ST6GALNAC3: variants seen among roughly 807,000 people sequenced by gnomAD.
ST6GALNAC3 encodes the protein alpha-N-acetylgalactosaminide alpha-2,6-sialyltransferase 3.
Under a neutral mutation model 32.7 loss-of-function variants are expected in ST6GALNAC3, and 25 were observed. The ratio of observed to expected loss-of-function variants is 0.76; its 90% CI spans 0.56 to 1.07. The LOEUF (loss-of-function observed/expected upper bound fraction) is 1.07, where lower values mean the gene tolerates loss of function less well. ST6GALNAC3 is among the 50% of genes least tolerant of loss of function. The probability of loss-of-function intolerance (pLI) is 0.00; values close to 1 mark genes in which losing one functional copy is unlikely to be tolerated. For missense variants in ST6GALNAC3, 355 were observed against 382.4 expected, an observed-to-expected ratio of 0.93 and a Z score of 0.60; for synonymous variants, 129 against 133.1, an observed-to-expected ratio of 0.97 and a Z score of 0.21.
At chr1:76,634,908 C>G (rs1649465906), downstream of ST6GALNAC3, among the ~76,000 whole-genome samples, 2 of 42,418 alleles carry the variant, frequency 4.7e-5, 1 homozygote, top group African/African-American at 3.7e-4. Context: ...ACCGTTTTAG[C>G]CGGGATGGTC....
intron 1 of ST6GALNAC3, among the ~76,000 whole-genome samples, chr1:76,241,210 A>G (rs1250978522): frequency 6.6e-6 from 1 of 152,200 alleles, no homozygotes; most frequent in African/African-American, 2.4e-5. Context: ...TACCTTTCTT[A>G]GTCTGTTTTG....
At chr1:76,266,421 G>A (rs1315075916) in intron 1 of ST6GALNAC3, among the ~76,000 whole-genome samples, 1 of 152,122 alleles carries the variant, frequency 6.6e-6, no homozygotes. Context: ...TCAGAGGAAG[G>A]GCAACCTGCA....
chr1:76,333,422 CT>C (rs1647242609), intron 2 of ST6GALNAC3, among the ~76,000 whole-genome samples: 1 of 152,130 alleles, frequency 6.6e-6, no homozygotes, highest in African/African-American at 2.4e-5. Context: ...CATAAGGATG[CT>C]ATCATATATG....
In ST6GALNAC3 at chr1:76,512,805, A is replaced by T. The variant is rs555603107; in HGVS notation, c.623+100388A>T. ...CAACTCTTTATTTATATACACACAA[A>T]CACACACACTTTTTTTCTTTTCGAT... On this transcript the variant is annotated intron_variant, in intron 3 of 4. Transcript: ENST00000328299. Among the ~76,000 whole-genome samples the T allele has an allele frequency of 8.5e-5, 13 of 152,152 alleles. No homozygotes were observed. In the South Asian group the frequency reaches 1.2e-3, roughly 15 times the overall value.
intron 1 of ST6GALNAC3, among the ~76,000 whole-genome samples, chr1:76,293,005 G>C (rs1282676417): frequency 6.6e-6 from 1 of 152,126 alleles, no homozygotes; most frequent in Non-Finnish European, 1.5e-5. Context: ...CTCTGTGCCA[G>C]ATTAATCCCT....
intron 3 of ST6GALNAC3, among the ~76,000 whole-genome samples, chr1:76,535,364 C>T (rs1663531811): frequency 6.6e-6 from 1 of 152,150 alleles, no homozygotes; most frequent in Non-Finnish European, 1.5e-5. Context: ...TCTAGTATCA[C>T]TACTGAAATT....
chr1:76,494,465 A>ATT (rs1447165687), intron 3 of ST6GALNAC3, among the ~76,000 whole-genome samples: 1 of 83,864 alleles, frequency 1.2e-5, no homozygotes, highest in Non-Finnish European at 2.4e-5. Context: ...ATATATATAT[A>ATT]TATACACACA....
In ST6GALNAC3 at chr1:76,216,207, C is replaced by T. The variant is rs1273279293; in HGVS notation, c.19-97598C>T. On this transcript the variant is annotated intron_variant, in intron 1 of 4. Coordinates refer to ENST00000328299, the MANE Select transcript of ST6GALNAC3 (RefSeq NM_152996.4). ...TGTTTTTGCTCAGATTACAACCTTT[C>T]CCTGGACTCCTTGTCCTTCTTTCTT... Among the ~76,000 whole-genome samples the T allele has an allele frequency of 3.3e-5, 5 of 152,132 alleles. No individual in the cohort carries two copies. The East Asian group carries it at 5.8e-4, about 18-fold the overall frequency.
intron 3 of ST6GALNAC3, among the ~76,000 whole-genome samples, chr1:76,612,193 G>A (rs1262806921): frequency 6.6e-6 from 1 of 152,074 alleles, no homozygotes; most frequent in Non-Finnish European, 1.5e-5. Flanking sequence ...AGGTGAGGCC[G>A]GTTCCCTGGG....
In ST6GALNAC3 at chr1:76,083,126, C is replaced by G. The variant is rs192340998; in HGVS notation, c.18+8242C>G. Among the ~76,000 whole-genome samples, 35 of 152,268 alleles carry G rather than the reference C, an allele frequency of 2.3e-4. 1 individual carries two copies. The East Asian group carries it at 6.7e-3, about 29-fold the overall frequency. On this transcript the variant is annotated intron_variant, in intron 1 of 4. Coordinates refer to ENST00000328299, the MANE Select transcript of ST6GALNAC3 (RefSeq NM_152996.4). The stretch of plus-strand genomic sequence containing the variant: ...CTATGGAAACGATTTGCATCTTGCT[C>G]TGAGAAGATCATGATCACAAGGGAA...
intron 1 of ST6GALNAC3, among the ~76,000 whole-genome samples, chr1:76,078,238 A>C (rs1646843329): frequency 6.6e-6 from 1 of 152,206 alleles, no homozygotes; most frequent in Non-Finnish European, 1.5e-5. Context: ...ATTTTTACAA[A>C]TGAGAAAACT....
At position 76,343,748 on chromosome 1, in the gene ST6GALNAC3, C is replaced by A. The variant is rs191501629; in HGVS notation, c.213+29749C>A. On this transcript the variant is annotated intron_variant, in intron 2 of 4. Transcript: ENST00000328299. ...AACAAGTCCTTCTAGCTTCAAAATG[C>A]TTTGATATTCTTTGTCTTTTATTTT... 3.4e-4 allele frequency among the ~76,000 whole-genome samples: 52 copies of A among 152,280 alleles called. 1 individual carries two copies. In the East Asian group the frequency reaches 9.8e-3, roughly 29 times the overall value.
At chr1:76,331,835 T>C (rs1647192032) in intron 2 of ST6GALNAC3, among the ~76,000 whole-genome samples, 1 of 152,204 alleles carries the variant, frequency 6.6e-6, no homozygotes, top group South Asian at 2.1e-4. Flanking sequence ...CAAGAATTGC[T>C]AGCAATAATT....
chr1:76,142,900 A>C (rs1253238258), intron 1 of ST6GALNAC3: 1 of 455,184 alleles, frequency 2.2e-6, no homozygotes, highest in Non-Finnish European at 4.4e-6. Context: ...ATTCACATGG[A>C]GGATTAGATC....
intron 3 of ST6GALNAC3, among the ~76,000 whole-genome samples, chr1:76,549,412 G>T (rs1664491016): frequency 6.6e-6 from 1 of 151,398 alleles, no homozygotes. Context: ...GCATTATTTT[G>T]CAGGTTTTCA....
At chr1:76,220,601 T>C (rs1251186465) in intron 1 of ST6GALNAC3, among the ~76,000 whole-genome samples, 1 of 152,180 alleles carries the variant, frequency 6.6e-6, no homozygotes. Flanking sequence ...TGAGGGCACA[T>C]GGCAGGATGA....
chr1:76,107,584 G>C (rs1212600950), intron 1 of ST6GALNAC3, among the ~76,000 whole-genome samples: 1 of 152,120 alleles, frequency 6.6e-6, no homozygotes, highest in South Asian at 2.1e-4. Flanking sequence ...GTACACAGGG[G>C]CTTTTTTTCT....
intron 3 of ST6GALNAC3, among the ~76,000 whole-genome samples, chr1:76,522,378 G>A (rs1480034503): frequency 6.6e-6 from 1 of 151,842 alleles, no homozygotes; most frequent in East Asian, 1.9e-4. Context: ...TTCAAATATA[G>A]TTTCTTTCCA....
chr1:76,242,892 G>A (rs563122700), intron 1 of ST6GALNAC3, among the ~76,000 whole-genome samples: 1 of 152,236 alleles, frequency 6.6e-6, no homozygotes, highest in East Asian at 1.9e-4. Flanking sequence ...ATTTGCTATT[G>A]TAAATAGTGC....
Sources: allele counts gnomAD v4.1 joint callset (sites outside exome capture counted in the v4.1 genomes callset), GRCh38; gene constraint gnomAD v4.1.1; transcripts MANE v1.5; gene names NCBI Gene and HGNC (gene_info 2026-07-23, HGNC 2026-07-21).